The following BICRAL variants were observed in gnomAD, a reference collection of about 807,000 sequenced individuals.
BICRAL encodes BICRA like chromatin remodeling complex associated protein, also known as BRD4-interacting chromatin-remodeling complex-associated protein-like.
In BICRAL, 8 loss-of-function variants were observed where a neutral mutation model predicts 91.8. The observed-to-expected ratio is 0.09, with a 90% confidence interval of 0.05 to 0.16. The LOEUF is 0.16. Among genes scored for constraint, BICRAL ranks in the 10% least tolerant of loss-of-function variants. BICRAL has a pLI of 1.00. For missense variants in BICRAL, 1,038 were observed against 1,310.9 expected, an observed-to-expected ratio of 0.79 and a Z score of 3.21; for synonymous variants, 445 against 491.1, an observed-to-expected ratio of 0.91 and a Z score of 1.24.
At chr6:42,845,195 GTTTTTTTTTTTTTTTTTTTTTTTTTTT>G (rs748804344) in intron 6 of BICRAL, among the ~76,000 whole-genome samples, 363 of 25,582 alleles carry the variant, frequency 0.014, 3 homozygotes, top group African/African-American at 0.03. Flanking sequence ...TTTTTTGGGT[GTTTTTTTTTTTTTTTTTTTTTTTTTTT>G]TTTTTTTTTT....
chr6:42,810,479 C>G (rs771479416), intron 2 of BICRAL, 78 bp downstream of exon 2: 1 of 152,098 alleles, frequency 6.6e-6, no homozygotes, highest in Non-Finnish European at 1.5e-5. Flanking sequence ...AAGGTGAAGT[C>G]TTGCAATTTC....
intron 1 of BICRAL, among the ~76,000 whole-genome samples, chr6:42,793,465 T>C (rs1421963225): frequency 6.6e-6 from 1 of 151,068 alleles, no homozygotes; most frequent in Admixed American, 6.6e-5. Context: ...AATTTTTGTA[T>C]TTTTAGTAGA....
In BICRAL at chr6:42,866,779, T is replaced by G. The variant is rs9394928; in HGVS notation, c.*1333T>G. The G allele has an allele frequency of 2.8e-4, 126 of 456,412 alleles. No homozygotes were observed. The East Asian group carries it at 8.1e-3, about 29-fold the overall frequency. The allele number at this position is 456,412 out of a possible 1,614,324, so 28.3% of individuals were successfully genotyped here. ...TATTTTTATTTCTTGTCAGGGAGTATTCTCCGTTTTCCTTTCTCGTATACC... is the reference window on the plus strand; with the variant it reads ...TATTTTTATTTCTTGTCAGGGAGTAGTCTCCGTTTTCCTTTCTCGTATACC... On this transcript the variant is annotated 3_prime_UTR_variant, in exon 13 of 13. Transcript: ENST00000314073.
intron 1 of BICRAL, among the ~76,000 whole-genome samples, chr6:42,769,307 G>A (rs564473185): frequency 2.0e-5 from 3 of 152,328 alleles, no homozygotes; most frequent in East Asian, 1.9e-4. Flanking sequence ...CTCACCACAT[G>A]GGTCTGTCCA....
At chr6:42,793,653 G>A (rs927713170) in intron 1 of BICRAL, among the ~76,000 whole-genome samples, 6 of 151,922 alleles carry the variant, frequency 3.9e-5, no homozygotes, top group African/African-American at 1.5e-4. Context: ...GTTTTAGGAT[G>A]GAGAAATCTG....
Position 42,829,935 on chromosome 6 carries a change from G to A in BICRAL, c.1602G>A (p.Met534Ile). The A allele has an allele frequency of 6.2e-7, 1 of 1,614,222 alleles. No homozygotes were observed. The highest frequency in any genetic ancestry group is 8.5e-7 in the Non-Finnish European group (1 of 1,180,040). ...GFATMPSVTS[M>I]SGPSRFPAVS... ...CCACCATGCCATCGGTGACAAGCAT[G>A]TCAGGACCTAGTCGGTTCCCTGCTG... The change falls in exon 6 of 13, where the codon ATG (methionine) becomes ATA (isoleucine). Residue 534 changes from methionine (M) to isoleucine (I), a missense_variant. Physicochemically the swap from Met to Ile is conservative, Grantham distance 10. Transcript: ENST00000314073.
In BICRAL at chr6:42,822,782, CCT is replaced by C. The variant is rs1764178066; in HGVS notation, c.42-9_42-8del. The C allele has an allele frequency of 6.8e-7, 1 of 1,463,276 alleles. No individual in the cohort carries two copies. The highest frequency in any genetic ancestry group is 9.5e-7 in the Non-Finnish European group (1 of 1,052,430). The allele number at this position is 1,463,276 out of a possible 1,614,324, so 90.6% of individuals were successfully genotyped here. A position where few individuals can be genotyped will look rare whatever the true frequency, so the allele number is the denominator to read the frequency against. On this transcript the variant is annotated splice_polypyrimidine_tract_variant and intron_variant, in intron 3 of 12. Coordinates refer to ENST00000314073, the MANE Select transcript of BICRAL (RefSeq NM_001393499.1). ...TGTTTGTTGTTTTATCTCTTTTTTT[CCT>C]CTCTTTTCTAGAGACCCACAAGCAT...
intron 6 of BICRAL, among the ~76,000 whole-genome samples, chr6:42,836,480 G>A (rs1764639951): frequency 6.6e-6 from 1 of 152,098 alleles, no homozygotes; most frequent in Non-Finnish European, 1.5e-5. Context: ...TCAGGAACAA[G>A]TGAAACCCCA....
chr6:42,829,068 C>A lies in BICRAL; in HGVS notation c.735C>A (p.Ala245=). ...TATTAAAGGGCAGCGGGCAGCAAGC[C>A]CCATCAAATGTGAGTGGAGGGCTCC... ...QIILKGSGQQ[A]PSNVSGGLLV... Residue 245 remains alanine, a synonymous_variant, in exon 6 of 13, where the codon GCC becomes GCA. Coordinates refer to ENST00000314073, the MANE Select transcript of BICRAL (RefSeq NM_001393499.1). 1.2e-6 allele frequency: 2 copies of A among 1,614,088 alleles called. No homozygotes were observed. Among genetic ancestry groups the A allele is most frequent in the Non-Finnish European group, 8.5e-7 (1 of 1,179,994 alleles).
intron 2 of BICRAL, among the ~76,000 whole-genome samples, chr6:42,821,706 T>G (rs1253209475): frequency 6.6e-6 from 1 of 152,236 alleles, no homozygotes; most frequent in African/African-American, 2.4e-5. Context: ...AGGAAGTTAC[T>G]GTTCATGGTT....
At chr6:42,783,125 C>T (rs1209842391) in intron 1 of BICRAL, among the ~76,000 whole-genome samples, 1 of 148,690 alleles carries the variant, frequency 6.7e-6, no homozygotes, top group African/African-American at 2.5e-5. Flanking sequence ...GGCGAGTCGC[C>T]CCGGCCCCGT....
chr6:42,832,716 C>G (rs901735465), intron 6 of BICRAL, among the ~76,000 whole-genome samples: 6 of 151,634 alleles, frequency 4.0e-5, no homozygotes, highest in Non-Finnish European at 7.4e-5. Context: ...CCCTTTGTCT[C>G]TCTCTCTCAT....
At chr6:42,862,277 G>T (rs1456484994) in intron 11 of BICRAL, among the ~76,000 whole-genome samples, 2 of 151,860 alleles carry the variant, frequency 1.3e-5, no homozygotes, top group Non-Finnish European at 2.9e-5. Flanking sequence ...ATTCTTATGT[G>T]TGTCAGAAAT....
In BICRAL at chr6:42,822,830, C is replaced by A; in HGVS notation, c.76C>A (p.Pro26Thr). The A allele has an allele frequency of 6.4e-7, 1 of 1,572,528 alleles. No individual in the cohort carries two copies. ...AGCATTGAACTATTTTCTACATGGACCTAGTAATAAATCTGTAAGTAATGC... is the reference window on the plus strand; with the variant it reads ...AGCATTGAACTATTTTCTACATGGAACTAGTAATAAATCTGTAAGTAATGC... ...PQALNYFLHG[P>T]SNKSSNDDLT... is the part of the protein sequence containing the mutation. Residue 26 changes from proline to threonine, a missense_variant, in exon 4 of 13, where the codon CCT becomes ACT. Pro to Thr is a conservative substitution (Grantham distance 38, BLOSUM62 -1). Transcript: ENST00000314073.
chr6:42,765,351 G>A (rs1018782628), intron 1 of BICRAL, among the ~76,000 whole-genome samples: 1 of 152,182 alleles, frequency 6.6e-6, no homozygotes, highest in African/African-American at 2.4e-5. Flanking sequence ...ACAATTGGGA[G>A]TTCTCTCTGG....
chr6:42,788,303 C>CAACCTCCACCTCTT (rs1253272048), intron 1 of BICRAL, among the ~76,000 whole-genome samples: 3 of 147,244 alleles, frequency 2.0e-5, no homozygotes, highest in African/African-American at 7.6e-5. Context: ...CAGCTCACTG[C>CAACCTCCACCTCTT]AACCTCCACC....
intron 6 of BICRAL, among the ~76,000 whole-genome samples, chr6:42,842,918 G>A (rs1173318475): frequency 6.6e-6 from 1 of 150,668 alleles, no homozygotes; most frequent in Non-Finnish European, 1.5e-5. Flanking sequence ...CAGTGGCACA[G>A]TCTTGGCTCA....
chr6:42,829,785 A>G lies in BICRAL; in HGVS notation c.1452A>G (p.Pro484=), dbSNP rs1304544631. ...SGQTFAASGS[P]VIANHASPQL... ...AGACATTTGCTGCCTCTGGAAGTCC[A>G]GTGATAGCCAATCATGCCTCTCCTC... Residue 484 remains proline (P), a synonymous_variant, in exon 6 of 13, where the codon CCA becomes CCG. Transcript: ENST00000314073. 6.2e-7 allele frequency: 1 copy of G among 1,614,212 alleles called. No individual in the cohort carries two copies. Among genetic ancestry groups the G allele is most frequent in the South Asian group, 1.1e-5 (1 of 91,088 alleles).
chr6:42,762,740 C>T (rs1762570324), intron 1 of BICRAL, among the ~76,000 whole-genome samples: 1 of 151,162 alleles, frequency 6.6e-6, no homozygotes, highest in South Asian at 2.1e-4. Flanking sequence ...CCAGCCTGGG[C>T]AACAATGATA....
Sources: gnomAD v4.1 joint callset for allele counts (sites outside exome capture counted in the v4.1 genomes callset) on GRCh38, gnomAD v4.1.1 for gene constraint, MANE v1.5 for transcripts, NCBI Gene and HGNC (gene_info 2026-07-23, HGNC 2026-07-21) for gene names.